Variants in HEPACAM observed in about 807,000 individuals in gnomAD.
HEPACAM encodes hepatocyte cell adhesion molecule.
In HEPACAM, 18 loss-of-function variants were observed where a neutral mutation model predicts 38.3. That is an observed-to-expected ratio of 0.47 (90% CI 0.33 to 0.70). The LOEUF (loss-of-function observed/expected upper bound fraction) is 0.70. HEPACAM is among the 30% of genes least tolerant of loss of function. The pLI, the probability that HEPACAM is intolerant of heterozygous loss-of-function variation, is 0.03. For missense variants in HEPACAM, 466 were observed against 563.0 expected, an observed-to-expected ratio of 0.83 and a Z score of 1.74; for synonymous variants, 216 against 243.1, an observed-to-expected ratio of 0.89 and a Z score of 1.04.
chr11:124,929,421 T>G (rs1947257040), intron 1 of HEPACAM, among the ~76,000 whole-genome samples: 1 of 152,130 alleles, frequency 6.6e-6, no homozygotes, highest in Admixed American at 6.5e-5. Flanking sequence ...TCCCAAAAAC[T>G]CTAGCCAAAA....
Position 124,925,069 on chromosome 11 carries a change from T to C in HEPACAM, c.86A>G (p.Asp29Gly). Reference sequence around the variant, plus strand: ...GGTGATGTTCACCCCCTCCAGGGGGTCTGTGAACAGAGGCCCATGAGGAAG... The same window carrying C: ...GGTGATGTTCACCCCCTCCAGGGGGCCTGTGAACAGAGGCCCATGAGGAAG... ...PFVYLLLIQT[D>G]PLEGVNITSP... is the part of the protein sequence containing the mutation. Residue 29 changes from aspartate to glycine, a missense_variant and splice_region_variant, in exon 2 of 7, where the codon GAC becomes GGC. Coordinates refer to ENST00000298251, the MANE Select transcript of HEPACAM (RefSeq NM_152722.5). The C allele has an allele frequency of 6.3e-7, 1 of 1,583,024 alleles. No individual in the cohort carries two copies. Among genetic ancestry groups the C allele is most frequent in the African/African-American group, 1.3e-5 (1 of 74,352 alleles).
chr11:124,922,739 G>T lies in HEPACAM; in HGVS notation c.877+6C>A, dbSNP rs769585144. Reference sequence around the variant, plus strand: ...GGGATGGGTGATTGGGTGGCTGGGAGCTCACCTTCTGGTTTCAGGCGGTCA... The same window carrying T: ...GGGATGGGTGATTGGGTGGCTGGGATCTCACCTTCTGGTTTCAGGCGGTCA... On this transcript the variant is annotated splice_donor_region_variant and intron_variant, in intron 5 of 6. Coordinates refer to ENST00000298251, the MANE Select transcript of HEPACAM (RefSeq NM_152722.5). The T allele has an allele frequency of 1.2e-6, 2 of 1,614,182 alleles. No individual in the cohort carries two copies. Among genetic ancestry groups the T allele is most frequent in the Non-Finnish European group, 8.5e-7 (1 of 1,179,996 alleles).
chr11:124,934,969 G>A (rs1184792023), intron 1 of HEPACAM, among the ~76,000 whole-genome samples: 2 of 152,014 alleles, frequency 1.3e-5, no homozygotes, highest in Non-Finnish European at 2.9e-5. Context: ...TGAACTGCTG[G>A]GCTCTGACTA....
At position 124,920,678 on chromosome 11, in the gene HEPACAM, CAAAAAAAAA is replaced by C. The variant is rs71042463; in HGVS notation, c.*451_*459del. On this transcript the variant is annotated 3_prime_UTR_variant, in exon 7 of 7. Coordinates refer to ENST00000298251, the MANE Select transcript of HEPACAM (RefSeq NM_152722.5). ...AAGTGGCCTCTCTAATCTGAACTTG[CAAAAAAAAA>C]AAAAAAAAAAAAAAAAAAAAAAGTG... 3.3e-3 allele frequency: 1,907 copies of C among 574,906 alleles called. 1 individual carries two copies. Among genetic ancestry groups the C allele is most frequent in the Admixed American group, 3.7e-3 (10 of 2,728 alleles). The allele number at this position is 574,906 out of a possible 1,614,324, so 35.6% of individuals were successfully genotyped here.
rs564814028 is a variant in HEPACAM, at chr11:124,920,900, G to A, written c.*238C>T. The A allele has an allele frequency of 1.5e-6, 2 of 1,350,860 alleles. No individual in the cohort carries two copies. Among genetic ancestry groups the A allele is most frequent in the Non-Finnish European group, 9.5e-7 (1 of 1,053,964 alleles). The allele number at this position is 1,350,860 out of a possible 1,614,324, so 83.7% of individuals were successfully genotyped here. Reference sequence around the variant, plus strand: ...TAAGAGGGCACAACCTATACCAAGTGAGGACACAGCCAGTAAACCGGAAGC... The same window carrying A: ...TAAGAGGGCACAACCTATACCAAGTAAGGACACAGCCAGTAAACCGGAAGC... On this transcript the variant is annotated 3_prime_UTR_variant, in exon 7 of 7. Transcript: ENST00000298251.
chr11:124,930,584 T>TAC (rs1252175235), intron 1 of HEPACAM, among the ~76,000 whole-genome samples: 5 of 152,210 alleles, frequency 3.3e-5, no homozygotes, highest in Non-Finnish European at 7.3e-5. Flanking sequence ...TCACTCTTGT[T>TAC]AAGCTGTCAA....
chr11:124,921,286 G>A lies in HEPACAM; in HGVS notation c.1103C>T (p.Ser368Phe). The A allele has an allele frequency of 7.4e-7, 1 of 1,342,962 alleles. No individual in the cohort carries two copies. 83.2% of individuals were successfully genotyped at this position (1,342,962 alleles called of 1,614,324 possible). A position where few individuals can be genotyped will look rare whatever the true frequency, so the allele number is the denominator to read the frequency against. Residue 368 changes from serine (S) to phenylalanine (F), a missense_variant, in exon 7 of 7, where the codon TCC becomes TTC. Coordinates refer to ENST00000298251, the MANE Select transcript of HEPACAM (RefSeq NM_152722.5). The surrounding 1 kb of genome is among the most constrained non-coding windows in gnomAD (Gnocchi z 4.6). ...CGAGTGTGTCCGGCCGGTGGCTGGG[G>A]AGCGCGCTGGGGAGCGCGGGTAGCG... ...ARRYPRSPAR[S>F]PATGRTHSSP...
intron 1 of HEPACAM, among the ~76,000 whole-genome samples, chr11:124,928,880 A>C (rs768940502): frequency 1.3e-5 from 2 of 152,226 alleles, no homozygotes; most frequent in Non-Finnish European, 2.9e-5. Context: ...GGCACATGTC[A>C]TCAGGACCCC....
rs545087550 is a variant in HEPACAM, at chr11:124,921,460, A to G, written c.949-20T>C. On this transcript the variant is annotated intron_variant, in intron 6 of 6. Coordinates refer to ENST00000298251, the MANE Select transcript of HEPACAM (RefSeq NM_152722.5). The surrounding 1 kb of genome is among the most constrained non-coding windows in gnomAD (Gnocchi z 4.6). ...GGAGTCCTGCAAGGACACGCGCCGC[A>G]GGGGTCAGGGGACAGTCAGCCCAGC... 2 of 1,247,076 alleles carry G rather than the reference A, an allele frequency of 1.6e-6. No individual in the cohort carries two copies. Among genetic ancestry groups the G allele is most frequent in the South Asian group, 3.7e-5 (1 of 27,380 alleles). The allele number at this position is 1,247,076 out of a possible 1,614,324, so 77.3% of individuals were successfully genotyped here. A position where few individuals can be genotyped will look rare whatever the true frequency, so the allele number is the denominator to read the frequency against.
rs1366116347 is a variant in HEPACAM, at chr11:124,922,810, T to C, written c.812A>G (p.Lys271Arg). 6.2e-7 allele frequency: 1 copy of C among 1,614,226 alleles called. No individual in the cohort carries two copies. The highest frequency in any genetic ancestry group is 1.1e-5 in the South Asian group (1 of 91,086). Residue 271 changes from lysine (K) to arginine (R), a missense_variant, in exon 5 of 7, where the codon AAG becomes AGG. Transcript: ENST00000298251. The stretch of plus-strand genomic sequence containing the variant: ...CAGGGAGTTTTGCTTTTCTAGCTTC[T>C]TCTGTTTCCTGTGAATCAATTCAGC... ...ACWKPSKRKQ[K>R]KLEKQNSLEY... is the part of the protein sequence containing the mutation.
intron 1 of HEPACAM, among the ~76,000 whole-genome samples, chr11:124,934,045 A>G (rs1391416888): frequency 6.6e-6 from 1 of 152,154 alleles, no homozygotes; most frequent in Non-Finnish European, 1.5e-5. Flanking sequence ...ACGGCTGCCA[A>G]ATACCTCTCT....
At position 124,921,296 on chromosome 11, in the gene HEPACAM, G is replaced by A; in HGVS notation, c.1093C>T (p.Pro365Ser). ...IRSARRYPRS[P>S]ARSPATGRTH... ...CGGCCGGTGGCTGGGGAGCGCGCTGGGGAGCGCGGGTAGCGGCGGGCAGAG... is the reference window on the plus strand; with the variant it reads ...CGGCCGGTGGCTGGGGAGCGCGCTGAGGAGCGCGGGTAGCGGCGGGCAGAG... Residue 365 changes from proline (P) to serine (S), a missense_variant, in exon 7 of 7, where the codon CCA (proline) becomes TCA (serine). Physicochemically the swap from Pro to Ser is moderately conservative, Grantham distance 74. Transcript: ENST00000298251. The surrounding 1 kb of genome is among the most constrained non-coding windows in gnomAD (Gnocchi z 4.6). The A allele has an allele frequency of 1.5e-6, 2 of 1,311,250 alleles. No individual in the cohort carries two copies. Among genetic ancestry groups the A allele is most frequent in the Non-Finnish European group, 1.9e-6 (2 of 1,037,430 alleles). The allele number at this position is 1,311,250 out of a possible 1,614,324, so 81.2% of individuals were successfully genotyped here.
rs1375701504 is a variant in HEPACAM, at chr11:124,924,995, A to T, written c.160T>A (p.Ser54Thr). The change falls in exon 2 of 7, where the codon TCT becomes ACT. Residue 54 changes from serine (S) to threonine (T), a missense_variant. Physicochemically the swap from Ser to Thr is moderately conservative, Grantham distance 58. Transcript: ENST00000298251. The surrounding 1 kb of genome is among the most constrained non-coding windows in gnomAD (Gnocchi z 4.4). ...CTGCTGGTACTGCTGTACTGCACAG[A>T]AAGCAGAGCCGACTTCCCCACGGTG... ...HGTVGKSALL[S>T]VQYSSTSSDR... 9.3e-6 allele frequency: 15 copies of T among 1,609,012 alleles called. No homozygotes were observed. Among genetic ancestry groups the T allele is most frequent in the Non-Finnish European group, 1.2e-5 (14 of 1,175,802 alleles).
chr11:124,920,340 A>T lies in HEPACAM; in HGVS notation c.*798T>A. ...GGGAGTAAGTGAAATTCACTTCTCT[A>T]TAAGAATAAGCCCATCCATCTCTTT... On this transcript the variant is annotated 3_prime_UTR_variant, in exon 7 of 7. Transcript: ENST00000298251. The T allele has an allele frequency of 6.7e-7, 1 of 1,484,772 alleles. No homozygotes were observed. Among genetic ancestry groups the T allele is most frequent in the Non-Finnish European group, 9.1e-7 (1 of 1,096,644 alleles). The allele number at this position is 1,484,772 out of a possible 1,614,324, so 92.0% of individuals were successfully genotyped here. A position where few individuals can be genotyped will look rare whatever the true frequency, so the allele number is the denominator to read the frequency against.
rs1159774992 is a variant in HEPACAM at position 124,920,354 on chromosome 11, A to T, written c.*784T>A. ...TTCACTTCTCTATAAGAATAAGCCC[A>T]TCCATCTCTTTTATTCATGAACAGA... On this transcript the variant is annotated 3_prime_UTR_variant, in exon 7 of 7. Coordinates refer to ENST00000298251, the MANE Select transcript of HEPACAM (RefSeq NM_152722.5). The T allele has an allele frequency of 1.3e-6, 2 of 1,517,052 alleles. No homozygotes were observed. Among genetic ancestry groups the T allele is most frequent in the East Asian group, 4.9e-5 (2 of 40,596 alleles). The allele number at this position is 1,517,052 out of a possible 1,614,324, so 94.0% of individuals were successfully genotyped here.
intron 1 of HEPACAM, among the ~76,000 whole-genome samples, chr11:124,930,011 G>A (rs1031969229): frequency 6.6e-6 from 1 of 152,080 alleles, no homozygotes; most frequent in Admixed American, 6.5e-5. Flanking sequence ...AAAGGCTGCT[G>A]CCATGTCCCT....
chr11:124,926,882 T>G (rs1466228603), intron 1 of HEPACAM, among the ~76,000 whole-genome samples: 1 of 152,088 alleles, frequency 6.6e-6, no homozygotes, highest in African/African-American at 2.4e-5. Flanking sequence ...AAAAATTTTT[T>G]TTTTGAGACG....
chr11:124,935,705 C>T (rs1270538146), intron 1 of HEPACAM, among the ~76,000 whole-genome samples: 2 of 152,304 alleles, frequency 1.3e-5, no homozygotes, highest in East Asian at 3.9e-4. Context: ...AGTCATGCAG[C>T]CTTTTGGGGG....
chr11:124,931,935 G>C (rs556468088), intron 1 of HEPACAM, among the ~76,000 whole-genome samples: 115 of 152,286 alleles, frequency 7.6e-4, no homozygotes, highest in African/African-American at 2.7e-3. Context: ...AATAAACTAC[G>C]ACAACTTAGA....
Sources: allele counts gnomAD v4.1 joint callset (sites outside exome capture counted in the v4.1 genomes callset), GRCh38; gene constraint gnomAD v4.1.1; non-coding constraint Gnocchi (gnomAD v3.1); transcripts MANE v1.5; gene names NCBI Gene and HGNC (gene_info 2026-07-23, HGNC 2026-07-21).